CARHSP1: variants seen among roughly 807,000 people sequenced by gnomAD.
CARHSP1 encodes calcium regulated heat stable protein 1.
Under a neutral mutation model 12.5 loss-of-function variants are expected in CARHSP1, and 14 were observed. That is an observed-to-expected ratio of 1.12 (90% CI 0.74 to 1.75). CARHSP1 has a LOEUF of 1.75. CARHSP1 is among the 40% of genes most tolerant of loss of function. The pLI is 0.00. For missense variants in CARHSP1, 343 were observed against 201.6 expected (o/e 1.70, Z -4.25); for synonymous variants, 161 against 82.0 (o/e 1.96, Z -5.20).
At chr16:8,864,807 C>T (rs567984512) in intron 1 of CARHSP1, among the ~76,000 whole-genome samples, 8 of 152,264 alleles carry the variant, frequency 5.3e-5, no homozygotes, top group South Asian at 4.1e-4. Context: ...GGGCCTCGGC[C>T]GAAAATAGCC....
chr16:8,859,499 C>G (rs1329608183), intron 1 of CARHSP1, among the ~76,000 whole-genome samples, 164 bp from the exon 2 acceptor site: 3 of 151,772 alleles, frequency 2.0e-5, no homozygotes, highest in Non-Finnish European at 4.4e-5. Flanking sequence ...GGGTCAGATG[C>G]CTACTCTGGG....
chr16:8,863,962 G>C (rs1211172559), intron 1 of CARHSP1, among the ~76,000 whole-genome samples: 1 of 152,170 alleles, frequency 6.6e-6, no homozygotes, highest in Non-Finnish European at 1.5e-5. Flanking sequence ...CCCAGCAGAA[G>C]ACAGGGCCTG....
chr16:8,855,698 T>C (rs1015998676), intron 3 of CARHSP1, among the ~76,000 whole-genome samples: 18 of 152,208 alleles, frequency 1.2e-4, no homozygotes, highest in African/African-American at 2.2e-4. Context: ...AAGGCCATCA[T>C]GGAGTGAGAA....
At chr16:8,862,813 A>G (rs747395121) in intron 1 of CARHSP1, among the ~76,000 whole-genome samples, 5 of 152,034 alleles carry the variant, frequency 3.3e-5, no homozygotes, top group African/African-American at 1.2e-4. Flanking sequence ...ATGCCGCGTC[A>G]TCATCATCAT....
rs141856321 is a variant in CARHSP1 at position 8,866,390 on chromosome 16, G to C, written c.-8+2576C>G. 566 of 968,352 alleles carry C rather than the reference G, an allele frequency of 5.8e-4. 1 individual carries two copies. The highest frequency in any genetic ancestry group is 2.1e-3 in the Middle Eastern group (4 of 1,882). The allele number at this position is 968,352 out of a possible 1,614,324, so 60.0% of individuals were successfully genotyped here. On this transcript the variant is annotated intron_variant, in intron 1 of 3. Coordinates refer to ENST00000311052, the MANE Select transcript of CARHSP1 (RefSeq NM_014316.4). Reference sequence around the variant, plus strand: ...GTGGAAGGGAAATGGCGCAGGGATCGGGGTGAGACTCTAGCAGAGTAGCGA... The same window carrying C: ...GTGGAAGGGAAATGGCGCAGGGATCCGGGTGAGACTCTAGCAGAGTAGCGA...
At chr16:8,855,794 C>T (rs527824469) in intron 3 of CARHSP1, among the ~76,000 whole-genome samples, 22 of 152,238 alleles carry the variant, frequency 1.4e-4, no homozygotes, top group Admixed American at 2.6e-4. Context: ...GAAACCGCAC[C>T]GTGTCTTTGT....
chr16:8,862,774 G>A (rs1222507418), intron 1 of CARHSP1, among the ~76,000 whole-genome samples: 1 of 152,184 alleles, frequency 6.6e-6, no homozygotes, highest in Non-Finnish European at 1.5e-5. Flanking sequence ...AGGAAAGGCG[G>A]TGGAAAGGGT....
chr16:8,862,090 C>G (rs1038970447), intron 1 of CARHSP1, among the ~76,000 whole-genome samples: 2 of 148,704 alleles, frequency 1.3e-5, no homozygotes, highest in African/African-American at 4.9e-5. Flanking sequence ...GCAACCTCCA[C>G]CTTCTGGGTT....
At chr16:8,857,009 C>T (rs1168205395) in intron 3 of CARHSP1, among the ~76,000 whole-genome samples, 1 of 152,112 alleles carries the variant, frequency 6.6e-6, no homozygotes, top group African/African-American at 2.4e-5. Flanking sequence ...GGCAGGACAG[C>T]CCCCAGCCTC....
chr16:8,859,114 C>G, intron 2 of CARHSP1, 57 bp downstream of exon 2: 2 of 1,485,030 alleles, frequency 1.3e-6, no homozygotes, highest in Non-Finnish European at 1.8e-6. Flanking sequence ...CAGTGAATCT[C>G]TGGCCTCAGG....
chr16:8,858,851 G>C, intron 2 of CARHSP1: 1 of 409,058 alleles, frequency 2.4e-6, no homozygotes, highest in Non-Finnish European at 4.4e-6. Context: ...CCCTGGTGCT[G>C]TGCCCATTTT....
chr16:8,858,971 C>T, intron 2 of CARHSP1, 200 bp downstream of exon 2: 1 of 497,088 alleles, frequency 2.0e-6, no homozygotes. Flanking sequence ...CAGCTGGTAA[C>T]AGGTTCTTCT....
At position 8,859,291 on chromosome 16, in the gene CARHSP1, G is replaced by T; in HGVS notation, c.38C>A (p.Thr13Asn). ...CAGCAGCCCGACTGAAGCTTGATGG[G>T]TGGGGGGCTGTGGTGGTGGGGGAGG... ...SEPPPPPQPPTHQASVGLLDT... is the reference protein window; with the variant it reads ...SEPPPPPQPPNHQASVGLLDT... Residue 13 changes from threonine (T) to asparagine (N), a missense_variant, in exon 2 of 4, where the codon ACC (threonine) becomes AAC (asparagine). Coordinates refer to ENST00000311052, the MANE Select transcript of CARHSP1 (RefSeq NM_014316.4). 2 of 1,603,580 alleles carry T rather than the reference G, an allele frequency of 1.2e-6. No homozygotes were observed. Among genetic ancestry groups the T allele is most frequent in the East Asian group, 2.2e-5 (1 of 44,690 alleles).
rs762352850 is a variant in CARHSP1, at chr16:8,859,171, GC to G, written c.157del (p.Ala53ArgfsTer174). On this transcript the variant is annotated frameshift_variant and splice_region_variant, in exon 2 of 4. Transcript: ENST00000311052. LOFTEE classifies it high-confidence loss of function. ...CGTCCCCAGCCTGCTCCAGACTCAC[GC>G]CGAGAAGGTCCTCGTCCGGCGAGTG... ...LPTRRTRTFS[A>X]TVRASQGPVY... 9 of 1,596,034 alleles carry G rather than the reference GC, an allele frequency of 5.6e-6. No individual in the cohort carries two copies. In the South Asian group the frequency reaches 1.0e-4, roughly 18 times the overall value.
intron 3 of CARHSP1, among the ~76,000 whole-genome samples, chr16:8,856,178 C>A (rs1160668975): frequency 6.6e-6 from 1 of 152,188 alleles, no homozygotes; most frequent in African/African-American, 2.4e-5. Context: ...CTCCCTGTGA[C>A]CACCCCCAGG....
At chr16:8,858,163 G>C in intron 3 of CARHSP1, 187 bp downstream of exon 3, 2 of 668,708 alleles carry the variant, frequency 3.0e-6, no homozygotes, top group East Asian at 2.8e-5. Context: ...GCTCCGTAGA[G>C]TCTCACAACC....
chr16:8,857,126 G>A (rs900244246), intron 3 of CARHSP1, among the ~76,000 whole-genome samples: 1 of 152,040 alleles, frequency 6.6e-6, no homozygotes, highest in Non-Finnish European at 1.5e-5. Context: ...ATGGGCACTC[G>A]GACTCACCCC....
At position 8,855,281 on chromosome 16, in the gene CARHSP1, A is replaced by G; in HGVS notation, c.327T>C (p.Tyr109=). ...TCTTGGGTGGGATGGAGCACATTTT[A>G]TAGGTGACCTCGTCGCCTTCCACTG... ...YVPVEGDEVT[Y]KMCSIPPKNE... is the part of the protein sequence containing the mutation. Residue 109 remains tyrosine (Y), a synonymous_variant, in exon 4 of 4, where the codon TAT becomes TAC. Coordinates refer to ENST00000311052, the MANE Select transcript of CARHSP1 (RefSeq NM_014316.4). The G allele has an allele frequency of 4.3e-6, 7 of 1,611,692 alleles. No homozygotes were observed. Among genetic ancestry groups the G allele is most frequent in the Non-Finnish European group, 5.9e-6 (7 of 1,178,540 alleles).
At chr16:8,866,685 G>A (rs2061461296) in intron 1 of CARHSP1, among the ~76,000 whole-genome samples, 1 of 151,666 alleles carries the variant, frequency 6.6e-6, no homozygotes, top group African/African-American at 2.4e-5. Context: ...TGGCGAGGGA[G>A]GAGCAGAGAG....
Sources: gnomAD v4.1 joint callset for allele counts (sites outside exome capture counted in the v4.1 genomes callset) on GRCh38, gnomAD v4.1.1 for gene constraint, MANE v1.5 for transcripts, NCBI Gene and HGNC (gene_info 2026-07-23, HGNC 2026-07-21) for gene names.